ZNF200: variants seen among roughly 807,000 people sequenced by gnomAD.
The protein encoded by ZNF200 is zinc finger protein 200.
ZNF200 carries 35 observed loss-of-function variants against 33.6 expected under a neutral mutation model. The ratio of observed to expected loss-of-function variants is 1.04; its 90% CI spans 0.80 to 1.38. ZNF200 has a LOEUF of 1.38. Among genes scored for constraint, ZNF200 ranks in the 40% most tolerant of loss-of-function variants. The pLI is 0.00. For synonymous variants in ZNF200, 209 were observed against 167.7 expected (o/e 1.25, Z -1.90); for missense variants, 592 against 470.6 (o/e 1.26, Z -2.39).
At chr16:3,229,281 A>G (rs1596338338) in intron 4 of ZNF200, among the ~76,000 whole-genome samples, 1 of 152,350 alleles carries the variant, frequency 6.6e-6, no homozygotes, top group African/African-American at 2.4e-5. Flanking sequence ...AGTGATGCTC[A>G]TAAGAGAGCT....
At position 3,223,101 on chromosome 16, in the gene ZNF200, T is replaced by G. The variant is rs1471474070; in HGVS notation, c.*791A>C. The G allele has an allele frequency of 1.3e-5, 2 of 152,186 alleles. No homozygotes were observed. The highest frequency in any genetic ancestry group is 4.8e-5 in the African/African-American group (2 of 41,442). The allele number at this position is 152,186 out of a possible 1,614,324, so 9.4% of individuals were successfully genotyped here. ...ACAGAGGGACAAGATTCTGAAGAGC[T>G]TTTCTAGTGGTGGGGCTGGATGGCC... On this transcript the variant is annotated 3_prime_UTR_variant, in exon 5 of 5. Coordinates refer to ENST00000414144, the MANE Select transcript of ZNF200 (RefSeq NM_198088.3).
At chr16:3,232,596 C>G (rs777727663) in intron 3 of ZNF200, 49 bp from the exon 4 acceptor site, 8 of 1,602,928 alleles carry the variant, frequency 5.0e-6, no homozygotes, top group Non-Finnish European at 6.8e-6. Flanking sequence ...GGTTCACTGA[C>G]AGCCCTACTG....
intron 3 of ZNF200, 105 bp from the exon 4 acceptor site, chr16:3,232,652 G>GTCTT (rs1958666664): frequency 1.3e-6 from 2 of 1,529,646 alleles, no homozygotes; most frequent in South Asian, 2.5e-5. Context: ...GATAGCAAGA[G>GTCTT]GGACCTATAA....
At chr16:3,231,239 G>A (rs1317308061) in intron 4 of ZNF200, among the ~76,000 whole-genome samples, 2 of 152,122 alleles carry the variant, frequency 1.3e-5, no homozygotes, top group African/African-American at 4.8e-5. Flanking sequence ...CTCTGCCCAA[G>A]ACTCAGGAAA....
chr16:3,229,422 T>C (rs1958573314), intron 4 of ZNF200, among the ~76,000 whole-genome samples: 1 of 149,830 alleles, frequency 6.7e-6, no homozygotes, highest in Non-Finnish European at 1.5e-5. Context: ...AAGTAATGAG[T>C]TAAAAATAGA....
At chr16:3,229,243 G>A (rs1472115308) in intron 4 of ZNF200, among the ~76,000 whole-genome samples, 2 of 152,154 alleles carry the variant, frequency 1.3e-5, no homozygotes, top group Non-Finnish European at 2.9e-5. Flanking sequence ...AAGGACAAGT[G>A]TATATCAGAA....
chr16:3,224,730 A>C lies in ZNF200; in HGVS notation c.467-117T>G. 1.5e-6 allele frequency: 2 copies of C among 1,335,494 alleles called. 1 individual carries two copies. Among genetic ancestry groups the C allele is most frequent in the Middle Eastern group, 5.5e-4 (2 of 3,668 alleles). The allele number at this position is 1,335,494 out of a possible 1,614,324, so 82.7% of individuals were successfully genotyped here. ...TGAACGTCAATCTGGGGAGTGGCGG[A>C]TACTGCCGTCGCACTCCTTTTCCAT... On this transcript the variant is annotated intron_variant, in intron 4 of 4. Coordinates refer to ENST00000414144, the MANE Select transcript of ZNF200 (RefSeq NM_198088.3).
chr16:3,232,370 T>A, intron 4 of ZNF200, 51 bp downstream of exon 4: 1 of 1,594,586 alleles, frequency 6.3e-7, no homozygotes, highest in Non-Finnish European at 8.6e-7. Context: ...ATGAAGGACA[T>A]GCTTTTCCCA....
chr16:3,225,913 T>G, intron 4 of ZNF200: 1 of 146,168 alleles, frequency 6.8e-6, no homozygotes, highest in East Asian at 2.0e-4. Flanking sequence ...TTATTTCACT[T>G]TTTTTTTTTT....
Position 3,224,196 on chromosome 16 carries a change from A to G in ZNF200, c.884T>C (p.Leu295Pro), listed in dbSNP as rs750128705. ...TGTATGAATTCGCTCATGTTTATTG[A>G]GGTTTGTTTTATGATTGAAGCTTTT... The part of the protein sequence containing the change: ...CGKSFNHKTN[L>P]NKHERIHTGE... The change falls in exon 5 of 5, where the codon CTC becomes CCC. Residue 295 changes from leucine (L) to proline (P), a missense_variant. Physicochemically the swap from Leu to Pro is moderately conservative, Grantham distance 98. Transcript: ENST00000414144. The G allele has an allele frequency of 1.3e-5, 21 of 1,614,092 alleles. No homozygotes were observed. The highest frequency in any genetic ancestry group is 1.8e-5 in the Non-Finnish European group (21 of 1,180,026).
intron 3 of ZNF200, 57 bp downstream of exon 3, chr16:3,232,776 G>A (rs1291353637): frequency 6.4e-7 from 1 of 1,571,280 alleles, no homozygotes; most frequent in African/African-American, 1.4e-5. Flanking sequence ...TTACACACAG[G>A]TTGGCCAAGC....
At chr16:3,224,690 A>C (rs878931621) in intron 4 of ZNF200, 77 bp from the exon 5 acceptor site, 133 of 1,500,834 alleles carry the variant, frequency 8.9e-5, no homozygotes, top group Admixed American at 3.1e-4. Flanking sequence ...CAGGTTTCTT[A>C]TGCCACAGCC....
chr16:3,233,659 G>A lies in ZNF200; in HGVS notation c.97C>T (p.Arg33Ter), dbSNP rs777457053. 6 of 1,613,910 alleles carry A rather than the reference G, an allele frequency of 3.7e-6. No homozygotes were observed. The highest frequency in any genetic ancestry group is 4.2e-6 in the Non-Finnish European group (5 of 1,179,982). Residue 33 changes from arginine (R) to a stop codon, truncating the protein, a stop_gained, in exon 2 of 5, where the codon CGA (arginine) becomes TGA (stop). Coordinates refer to ENST00000414144, the MANE Select transcript of ZNF200 (RefSeq NM_198088.3). LOFTEE classifies it high-confidence loss of function. ...PDSKLGQDLL[R>*]DATNGPKTIH... ...GTCTTGGGCCCGTTAGTGGCATCTC[G>A]AAGTAGGTCTTGGCCCAGCTTGGAG...
Position 3,233,537 on chromosome 16 carries a change from C to A in ZNF200, c.219G>T (p.Met73Ile). The change falls in exon 2 of 5, where the codon ATG (methionine) becomes ATT (isoleucine). Residue 73 changes from methionine to isoleucine, a missense_variant. Transcript: ENST00000414144. Reference protein sequence around the residue: ...SQKVKETLVIMKDVSSSLQNR... With the variant: ...SQKVKETLVIIKDVSSSLQNR... Reference sequence around the variant, plus strand: ...TCTGAAGGCTTGAGCTCACATCTTTCATAATAACCAAGGTCTCCTTGACTT... The same window carrying A: ...TCTGAAGGCTTGAGCTCACATCTTTAATAATAACCAAGGTCTCCTTGACTT... 6.3e-7 allele frequency: 1 copy of A among 1,576,916 alleles called. No individual in the cohort carries two copies. The highest frequency in any genetic ancestry group is 1.2e-5 in the South Asian group (1 of 85,614).
Position 3,224,386 on chromosome 16 carries a change from A to G in ZNF200, c.694T>C (p.Ser232Pro), listed in dbSNP as rs1266343163. The change falls in exon 5 of 5, where the codon TCA (serine) becomes CCA (proline). Residue 232 changes from serine to proline, a missense_variant. Transcript: ENST00000414144. The part of the protein sequence containing the change: ...IENDTPLEEL[S>P]KYVDISIIAL... ...ATAATACTGATGTCTACATATTTTG[A>G]GAGTTCCTCTAGAGGAGTATCATTC... 3 of 1,614,068 alleles carry G rather than the reference A, an allele frequency of 1.9e-6. No individual in the cohort carries two copies. The highest frequency in any genetic ancestry group is 2.5e-6 in the Non-Finnish European group (3 of 1,180,044).
rs1337343949 is a variant in ZNF200 at position 3,223,256 on chromosome 16, AAGTC to A, written c.*632_*635del. ...TTATGTTGTGAAAAGGAATCTGTAA[AAGTC>A]AGTTTTATCACAAATTGTAAATATT... On this transcript the variant is annotated 3_prime_UTR_variant, in exon 5 of 5. Transcript: ENST00000414144. 3 of 152,432 alleles carry A rather than the reference AAGTC, an allele frequency of 2.0e-5. No homozygotes were observed. Among genetic ancestry groups the A allele is most frequent in the East Asian group, 3.8e-4 (2 of 5,196 alleles). 9.4% of individuals were successfully genotyped at this position (152,432 alleles called of 1,614,324 possible). A position where few individuals can be genotyped will look rare whatever the true frequency, so the allele number is the denominator to read the frequency against.
chr16:3,233,907 G>GCCACATATT, intron 1 of ZNF200, 71 bp from the exon 2 acceptor site: 1 of 1,274,586 alleles, frequency 7.8e-7, no homozygotes, highest in Non-Finnish European at 1.1e-6. Context: ...TATGTGGCAT[G>GCCACATATT]GCTGGTGAGG....
intron 4 of ZNF200, among the ~76,000 whole-genome samples, chr16:3,230,771 C>A (rs1432810987): frequency 1.3e-5 from 2 of 152,202 alleles, no homozygotes; most frequent in African/African-American, 4.8e-5. Flanking sequence ...GAACTCCAAT[C>A]CCCAATTTCC....
At chr16:3,233,996 A>T (rs1958720336) in intron 1 of ZNF200, 160 bp from the exon 2 acceptor site, 1 of 435,782 alleles carries the variant, frequency 2.3e-6, no homozygotes, top group East Asian at 4.8e-5. Flanking sequence ...AGATATGCTT[A>T]GGAAGATGTG....
Sources: allele counts gnomAD v4.1 joint callset (sites outside exome capture counted in the v4.1 genomes callset), GRCh38; gene constraint gnomAD v4.1.1; transcripts MANE v1.5; gene names NCBI Gene and HGNC (gene_info 2026-07-23, HGNC 2026-07-21).